FMNL2: variants seen among roughly 807,000 people sequenced by gnomAD.
The protein encoded by FMNL2 is formin-like protein 2.
Under a neutral mutation model 130.2 loss-of-function variants are expected in FMNL2, and 51 were observed. That is an observed-to-expected ratio of 0.39 (90% CI 0.31 to 0.49). The LOEUF is 0.49. Among genes scored for constraint, FMNL2 ranks in the 20% least tolerant of loss-of-function variants. The probability of loss-of-function intolerance (pLI) is 0.85; values close to 1 mark genes in which losing one functional copy is unlikely to be tolerated. For missense variants in FMNL2, 977 were observed against 1,316.2 expected (o/e 0.74, Z 3.99); for synonymous variants, 465 against 467.1 (o/e 1.00, Z 0.06).
At chr2:152,382,857 A>G (rs866096398) in intron 1 of FMNL2, among the ~76,000 whole-genome samples, 1 of 152,352 alleles carries the variant, frequency 6.6e-6, no homozygotes, top group Middle Eastern at 3.4e-3. Context: ...CATGAGCCAC[A>G]TAACATTTCC....
intron 1 of FMNL2, among the ~76,000 whole-genome samples, chr2:152,382,342 G>C (rs562204986): frequency 6.6e-6 from 1 of 152,162 alleles, no homozygotes; most frequent in Non-Finnish European, 1.5e-5. Flanking sequence ...TAAGGAAAGC[G>C]CATGTGTCTT....
intron 6 of FMNL2, among the ~76,000 whole-genome samples, chr2:152,561,827 C>T (rs1220051262): frequency 6.6e-6 from 1 of 152,196 alleles, no homozygotes; most frequent in Non-Finnish European, 1.5e-5. Flanking sequence ...ATCTGCCCAC[C>T]TTGGCCTCCC....
At chr2:152,537,476 G>GTCTCT (rs1694056360) in intron 2 of FMNL2, among the ~76,000 whole-genome samples, 1 of 152,176 alleles carries the variant, frequency 6.6e-6, no homozygotes, top group Non-Finnish European at 1.5e-5. Context: ...ATCTACGAGA[G>GTCTCT]ACACAGCTGC....
intron 1 of FMNL2, among the ~76,000 whole-genome samples, chr2:152,517,262 G>C (rs1692825738): frequency 1.3e-5 from 2 of 152,288 alleles, no homozygotes; most frequent in South Asian, 4.1e-4. Context: ...TCAGTGTGTA[G>C]ACATTGTTAA....
At chr2:152,361,068 G>A (rs181355430) in intron 1 of FMNL2, among the ~76,000 whole-genome samples, 86 of 152,250 alleles carry the variant, frequency 5.6e-4, no homozygotes, top group Admixed American at 1.4e-3. Context: ...ACTGAGAAAA[G>A]GGCTAAATTT....
chr2:152,340,078 C>G (rs1343838047), intron 1 of FMNL2, among the ~76,000 whole-genome samples: 1 of 151,976 alleles, frequency 6.6e-6, no homozygotes, highest in African/African-American at 2.4e-5. Flanking sequence ...CCCACCTACA[C>G]AAGAGGCTGA....
At chr2:152,575,094 A>G (rs778009238) in intron 6 of FMNL2, 42 bp from the exon 7 acceptor site, 5 of 1,252,820 alleles carry the variant, frequency 4.0e-6, no homozygotes, top group Admixed American at 2.0e-5. Flanking sequence ...ATGCTAAGAA[A>G]GTAACCTGTT....
intron 9 of FMNL2, among the ~76,000 whole-genome samples, chr2:152,597,154 G>C (rs1426754022): frequency 6.6e-6 from 1 of 152,206 alleles, no homozygotes; most frequent in Non-Finnish European, 1.5e-5. Flanking sequence ...GAAGCAGTCA[G>C]ACTCCTCGTG....
chr2:152,384,096 G>A (rs1252627338), intron 1 of FMNL2, among the ~76,000 whole-genome samples: 1 of 152,092 alleles, frequency 6.6e-6, no homozygotes, highest in Non-Finnish European at 1.5e-5. Context: ...TGCTTACTTT[G>A]TGTATATTTA....
chr2:152,377,190 T>G (rs1684222592), intron 1 of FMNL2, among the ~76,000 whole-genome samples: 1 of 152,254 alleles, frequency 6.6e-6, no homozygotes, highest in Non-Finnish European at 1.5e-5. Context: ...TTCATTTCCT[T>G]TTTCATCTGG....
intron 9 of FMNL2, among the ~76,000 whole-genome samples, chr2:152,605,308 G>A (rs896911408): frequency 2.7e-5 from 4 of 147,306 alleles, no homozygotes; most frequent in South Asian, 2.1e-4. Context: ...GTGCGTGTGC[G>A]TGTGTGTGTG....
chr2:152,540,831 T>TA (rs1187251750), intron 2 of FMNL2, among the ~76,000 whole-genome samples: 1 of 152,226 alleles, frequency 6.6e-6, no homozygotes, highest in Non-Finnish European at 1.5e-5. Flanking sequence ...CCCTAAAACT[T>TA]AAAGTATAAT....
chr2:152,559,876 T>C (rs1347641671), intron 5 of FMNL2, among the ~76,000 whole-genome samples: 1 of 152,242 alleles, frequency 6.6e-6, no homozygotes, highest in African/African-American at 2.4e-5. Context: ...ATGACAGAAT[T>C]GTGACCAGTT....
At chr2:152,377,552 T>C (rs1312397564) in intron 1 of FMNL2, among the ~76,000 whole-genome samples, 2 of 152,240 alleles carry the variant, frequency 1.3e-5, no homozygotes, top group Non-Finnish European at 2.9e-5. Context: ...TCTAGCTACA[T>C]TACAGGTACA....
intron 9 of FMNL2, among the ~76,000 whole-genome samples, chr2:152,604,900 T>C (rs1159250690): frequency 1.2e-4 from 17 of 142,438 alleles, no homozygotes; most frequent in Non-Finnish European, 2.7e-4. Context: ...CCAGCCTGTA[T>C]TGGGGTTTCT....
intron 1 of FMNL2, among the ~76,000 whole-genome samples, chr2:152,377,042 T>C (rs1480435399): frequency 6.6e-6 from 1 of 152,228 alleles, no homozygotes; most frequent in African/African-American, 2.4e-5. Context: ...GATGGAAGCC[T>C]GGTTTTACCA....
intron 3 of FMNL2, among the ~76,000 whole-genome samples, chr2:152,545,264 T>C (rs977486173): frequency 2.0e-5 from 3 of 152,166 alleles, no homozygotes; most frequent in Admixed American, 6.5e-5. Flanking sequence ...AGCTGTATTA[T>C]GGTGGGGGAG....
Position 152,356,523 on chromosome 2 carries a change from T to C in FMNL2, c.117+20803T>C, listed in dbSNP as rs113925763. ...TATGTGAATTCTGGATTTGCAAATT[T>C]GCCTATTTGATAAAAATGTATCTGT... On this transcript the variant is annotated intron_variant, in intron 1 of 25. Coordinates refer to ENST00000288670, the MANE Select transcript of FMNL2 (RefSeq NM_052905.4). Among the ~76,000 whole-genome samples the C allele has an allele frequency of 7.2e-3, 1,095 of 152,332 alleles. 15 individuals are homozygous for C. The highest frequency in any genetic ancestry group is 0.025 in the African/African-American group (1,033 of 41,558).
intron 25 of FMNL2, chr2:152,645,386 C>G: frequency 9.0e-7 from 1 of 1,110,778 alleles, no homozygotes; most frequent in Non-Finnish European, 1.2e-6. Flanking sequence ...CATTTTCATC[C>G]CATTTTTTCT....
Sources: allele counts gnomAD v4.1 joint callset (sites outside exome capture counted in the v4.1 genomes callset), GRCh38; gene constraint gnomAD v4.1.1; transcripts MANE v1.5; gene names NCBI Gene and HGNC (gene_info 2026-07-23, HGNC 2026-07-21).